The following EYS variants were observed in gnomAD, a reference collection of about 807,000 sequenced individuals.
EYS encodes the protein protein eyes shut homolog.
A neutral mutation model predicts 282.1 loss-of-function variants in EYS; 250 were observed. The observed-to-expected ratio is 0.89, with a 90% CI of 0.80 to 0.98. The LOEUF (loss-of-function observed/expected upper bound fraction) is 0.98, where lower values mean the gene tolerates loss of function less well. Among genes scored for constraint, EYS ranks in the 50% least tolerant of loss-of-function variants. The pLI, the probability that EYS is intolerant of heterozygous loss-of-function variation, is 0.00. For missense variants in EYS, 4,016 were observed against 3,709.0 expected, an observed-to-expected ratio of 1.08 and a Z score of -2.15; for synonymous variants, 1,355 against 1,282.9, an observed-to-expected ratio of 1.06 and a Z score of -1.20.
At chr6:64,017,457 G>A (rs139017384) in intron 33 of EYS, among the ~76,000 whole-genome samples, 3 of 152,208 alleles carry the variant, frequency 2.0e-5, no homozygotes, top group African/African-American at 7.2e-5. Context: ...ATCAGGTAAT[G>A]TCATATTATT....
intron 2 of EYS, among the ~76,000 whole-genome samples, chr6:65,559,553 C>G (rs1422587879): frequency 6.6e-6 from 1 of 152,016 alleles, no homozygotes; most frequent in Non-Finnish European, 1.5e-5. Context: ...AATTTTTCAT[C>G]TTTGCGTCTT....
At chr6:65,447,423 T>C (rs1386473941) in intron 5 of EYS, among the ~76,000 whole-genome samples, 2 of 148,546 alleles carry the variant, frequency 1.3e-5, no homozygotes, top group Non-Finnish European at 3.0e-5. Context: ...TTTACTGTAC[T>C]GAGTCATAAA....
intron 12 of EYS, among the ~76,000 whole-genome samples, chr6:65,106,878 C>A (rs1303780624): frequency 6.6e-6 from 1 of 151,978 alleles, no homozygotes; most frequent in East Asian, 1.9e-4. Context: ...TGTTACACAT[C>A]ATGCACAAAT....
chr6:64,659,366 G>A (rs1454957633), intron 22 of EYS, among the ~76,000 whole-genome samples: 1 of 152,110 alleles, frequency 6.6e-6, no homozygotes, highest in East Asian at 1.9e-4. Flanking sequence ...GCTAGCAGAA[G>A]GCAAGAAATA....
chr6:64,743,278 T>A (rs1772436301), intron 22 of EYS, among the ~76,000 whole-genome samples: 1 of 152,120 alleles, frequency 6.6e-6, no homozygotes. Flanking sequence ...CATGGGGTGA[T>A]TTCATAAATA....
At position 65,353,540 on chromosome 6, in the gene EYS, GC is replaced by G; in HGVS notation, c.1376del (p.Cys459SerfsTer56). 1 of 1,613,076 alleles carries G rather than the reference GC, an allele frequency of 6.2e-7. No individual in the cohort carries two copies. The highest frequency in any genetic ancestry group is 8.5e-7 in the Non-Finnish European group (1 of 1,179,354). ...KNVYLIHQHL[C>X]YCGVTFHGIC... is the part of the protein sequence containing the mutation. ...TACCATGGAAGGTGACTCCACAGTA[GC>G]AGAGGTGTTGATGAATTAGGTAAAC... On this transcript the variant is annotated frameshift_variant, in exon 9 of 43. Coordinates refer to ENST00000503581, the MANE Select transcript of EYS (RefSeq NM_001142800.2). LOFTEE classifies it high-confidence loss of function.
At chr6:64,917,588 A>C (rs1005739894) in intron 15 of EYS, among the ~76,000 whole-genome samples, 1 of 152,200 alleles carries the variant, frequency 6.6e-6, no homozygotes, top group African/African-American at 2.4e-5. Context: ...CACAGGATAC[A>C]GTTAGATGGA....
intron 26 of EYS, among the ~76,000 whole-genome samples, chr6:64,465,157 A>G (rs1464133219): frequency 1.3e-5 from 2 of 152,126 alleles, no homozygotes; most frequent in Admixed American, 1.3e-4. Context: ...ATGTTTGAAG[A>G]GTAAACATTG....
At position 63,951,527 on chromosome 6, in the gene EYS, C is replaced by T. The variant is rs191288445; in HGVS notation, c.7055+32856G>A. ...AGTCTTTTCAATCTTCCTTTTCTAC[C>T]GACCCATCTGACTTCTCCCCTCATC... On this transcript the variant is annotated intron_variant, in intron 35 of 42. Coordinates refer to ENST00000503581, the MANE Select transcript of EYS (RefSeq NM_001142800.2). Among the ~76,000 whole-genome samples the T allele has an allele frequency of 1.3e-3, 197 of 152,090 alleles. 1 individual carries two copies. The highest frequency in any genetic ancestry group is 2.1e-3 in the Non-Finnish European group (140 of 67,984).
intron 22 of EYS, among the ~76,000 whole-genome samples, chr6:64,682,833 A>T (rs1298851996): frequency 6.6e-6 from 1 of 152,134 alleles, no homozygotes; most frequent in Non-Finnish European, 1.5e-5. Context: ...CCTGCTCTGA[A>T]ACTTGCCTGG....
intron 5 of EYS, among the ~76,000 whole-genome samples, chr6:65,477,544 C>A (rs7750734): frequency 6.6e-6 from 1 of 152,044 alleles, no homozygotes. Flanking sequence ...AGTATTACTG[C>A]GATGTATAGA....
At chr6:64,723,839 T>C (rs1006251302) in intron 22 of EYS, among the ~76,000 whole-genome samples, 4 of 152,114 alleles carry the variant, frequency 2.6e-5, no homozygotes, top group African/African-American at 9.7e-5. Context: ...AACTCTATGT[T>C]CCTAGTGAGT....
chr6:64,345,462 A>T (rs1372093619), intron 29 of EYS, among the ~76,000 whole-genome samples: 2 of 152,156 alleles, frequency 1.3e-5, no homozygotes, highest in African/African-American at 4.8e-5. Context: ...AGGATTCCCT[A>T]TTTAATAAAT....
Position 64,017,523 on chromosome 6 carries a change from C to G in EYS, c.6726-18340G>C, listed in dbSNP as rs142380782. 1.1e-4 allele frequency among the ~76,000 whole-genome samples: 16 copies of G among 152,304 alleles called. No homozygotes were observed. In the East Asian group the frequency reaches 2.9e-3, roughly 28 times the overall value. ...TCTCTGGCCTTCTGTTCCTCAGGTT[C>G]CTCCCTGGTAGCCTCAGCTGTAAGT... On this transcript the variant is annotated intron_variant, in intron 33 of 42. Coordinates refer to ENST00000503581, the MANE Select transcript of EYS (RefSeq NM_001142800.2).
intron 35 of EYS, among the ~76,000 whole-genome samples, chr6:63,923,190 G>A (rs968837487): frequency 6.6e-6 from 1 of 152,062 alleles, no homozygotes; most frequent in South Asian, 2.1e-4. Flanking sequence ...TTTTTTTAGT[G>A]TGTTAATTTC....
At chr6:64,384,875 CT>C (rs1354000611) in intron 29 of EYS, among the ~76,000 whole-genome samples, 2 of 152,154 alleles carry the variant, frequency 1.3e-5, no homozygotes, top group Admixed American at 1.3e-4. Context: ...ATTAAACAAC[CT>C]GTCAGCACAT....
chr6:65,212,980 G>C (rs1048194414), intron 12 of EYS, among the ~76,000 whole-genome samples: 3 of 151,814 alleles, frequency 2.0e-5, no homozygotes, highest in Admixed American at 1.3e-4. Context: ...ATATAAAATC[G>C]ATCGATGTTC....
At chr6:64,869,562 C>G (rs1029350514) in intron 19 of EYS, among the ~76,000 whole-genome samples, 18 of 151,338 alleles carry the variant, frequency 1.2e-4, no homozygotes, top group African/African-American at 3.9e-4. Flanking sequence ...TTAGTTGAGA[C>G]CTGAATAGAA....
At chr6:63,994,188 T>G (rs1303709460) in intron 34 of EYS, among the ~76,000 whole-genome samples, 4 of 151,942 alleles carry the variant, frequency 2.6e-5, no homozygotes, top group African/African-American at 7.2e-5. Context: ...TCACTGAAGA[T>G]GTCGTTAAAT....
Sources: allele counts gnomAD v4.1 joint callset (sites outside exome capture counted in the v4.1 genomes callset), GRCh38; gene constraint gnomAD v4.1.1; transcripts MANE v1.5; gene names NCBI Gene and HGNC (gene_info 2026-07-23, HGNC 2026-07-21).